Variants in METTL25 observed in about 807,000 individuals in gnomAD.
The protein encoded by METTL25 is probable methyltransferase-like protein 25.
Under a neutral mutation model 71.6 loss-of-function variants are expected in METTL25, and 64 were observed. The observed-to-expected ratio is 0.89, with a 90% CI of 0.73 to 1.10. METTL25 has a LOEUF of 1.10. Ranked by LOEUF, METTL25 falls within the 50% of genes least tolerant of loss-of-function variation. METTL25 has a pLI of 0.00. For synonymous variants in METTL25, 287 were observed against 250.3 expected, an observed-to-expected ratio of 1.15 and a Z score of -1.38; for missense variants, 807 against 707.0, an observed-to-expected ratio of 1.14 and a Z score of -1.60.
At chr12:82,397,654 A>G (rs1886198113) in intron 3 of METTL25, among the ~76,000 whole-genome samples, 1 of 151,556 alleles carries the variant, frequency 6.6e-6, no homozygotes, top group African/African-American at 2.4e-5. Flanking sequence ...TCTTTTTTTT[A>G]TATCAACATC....
intron 1 of METTL25, among the ~76,000 whole-genome samples, chr12:82,364,516 A>G (rs1445056119): frequency 1.3e-5 from 2 of 152,244 alleles, no homozygotes; most frequent in African/African-American, 2.4e-5. Flanking sequence ...TTTCATGTTT[A>G]GTAGGAAAGA....
intron 5 of METTL25, among the ~76,000 whole-genome samples, chr12:82,406,208 C>A (rs1489714812): frequency 1.3e-5 from 2 of 152,112 alleles, no homozygotes; most frequent in East Asian, 1.9e-4. Context: ...TAAATAATTT[C>A]TTTAAAAAGC....
rs745818909 is a variant in METTL25 at position 82,358,565 on chromosome 12, C to T, written c.-1C>T. 19 of 1,609,726 alleles carry T rather than the reference C, an allele frequency of 1.2e-5. No homozygotes were observed. The highest frequency in any genetic ancestry group is 1.4e-5 in the Non-Finnish European group (16 of 1,179,378). ...ACCTACAGCCTCGGAGGGTGAGCGT[C>T]ATGGCGGCTTCTTGCCCTCTCCCGG... On this transcript the variant is annotated 5_prime_UTR_variant, in exon 1 of 12. Transcript: ENST00000248306.
Position 82,386,969 on chromosome 12 carries a change from T to C in METTL25, c.424+2T>C. ...GAGGAAATCAAAACCAGAGAATTGG[T>C]ATGTCTATTTATGTGTGTGTATGTG... On this transcript the variant is annotated splice_donor_variant, in intron 2 of 11. Coordinates refer to ENST00000248306, the MANE Select transcript of METTL25 (RefSeq NM_032230.3). LOFTEE classifies it high-confidence loss of function. The C allele has an allele frequency of 6.2e-7, 1 of 1,610,658 alleles. No homozygotes were observed. Among genetic ancestry groups the C allele is most frequent in the Non-Finnish European group, 8.5e-7 (1 of 1,177,886 alleles).
In METTL25 at chr12:82,358,769, G is replaced by A; in HGVS notation, c.204G>A (p.Glu68=). 1.2e-6 allele frequency: 2 copies of A among 1,613,954 alleles called. No individual in the cohort carries two copies. The highest frequency in any genetic ancestry group is 2.2e-5 in the East Asian group (1 of 44,870). Residue 68 remains glutamate (E), a synonymous_variant, in exon 1 of 12, where the codon GAG becomes GAA. Transcript: ENST00000248306. The part of the protein sequence containing the change: ...VLAALRKSAS[E]TEALPSETRP... ...CTGCGCTGAGGAAGTCAGCGTCGGA[G>A]ACGGAGGCCCTGCCCTCAGAGACGC...
chr12:82,390,656 A>G (rs1316908749), intron 3 of METTL25, among the ~76,000 whole-genome samples: 1 of 152,158 alleles, frequency 6.6e-6, no homozygotes, highest in South Asian at 2.1e-4. Context: ...TGATTAGAAA[A>G]CTATGAAAGT....
rs1175196482 is a variant in METTL25, at chr12:82,386,199, C to T, written c.260-604C>T. On this transcript the variant is annotated intron_variant, in intron 1 of 11. Transcript: ENST00000248306. Reference sequence around the variant, plus strand: ...GACAGTGCATTGAGCACGTGCACCCCGCCCCCCTGCCACAAGTCTGCATCA... The same window carrying T: ...GACAGTGCATTGAGCACGTGCACCCTGCCCCCCTGCCACAAGTCTGCATCA... 3.3e-5 allele frequency among the ~76,000 whole-genome samples: 5 copies of T among 152,106 alleles called. No individual in the cohort carries two copies. The East Asian group carries it at 5.8e-4, about 18-fold the overall frequency.
intron 5 of METTL25, among the ~76,000 whole-genome samples, chr12:82,413,457 T>C (rs946619657): frequency 1.3e-5 from 2 of 152,072 alleles, no homozygotes; most frequent in Non-Finnish European, 2.9e-5. Context: ...TAGAGTTATG[T>C]ATAAGTTACA....
At chr12:82,415,371 A>G (rs1262596705) in intron 5 of METTL25, among the ~76,000 whole-genome samples, 1 of 152,124 alleles carries the variant, frequency 6.6e-6, no homozygotes, top group Non-Finnish European at 1.5e-5. Context: ...CATATAAAGG[A>G]ATTAGCAGTG....
intron 5 of METTL25, among the ~76,000 whole-genome samples, chr12:82,429,824 C>T (rs989789914): frequency 6.6e-6 from 1 of 151,306 alleles, no homozygotes; most frequent in African/African-American, 2.4e-5. Context: ...ATTTATATTC[C>T]TAGGGAGGAT....
intron 1 of METTL25, among the ~76,000 whole-genome samples, chr12:82,379,649 C>T (rs1377181390): frequency 6.6e-6 from 1 of 152,166 alleles, no homozygotes; most frequent in Non-Finnish European, 1.5e-5. Context: ...TATTTCACAT[C>T]AAATTTAGTA....
intron 5 of METTL25, among the ~76,000 whole-genome samples, chr12:82,429,264 A>G (rs1266598211): frequency 6.6e-6 from 1 of 151,506 alleles, no homozygotes; most frequent in Non-Finnish European, 1.5e-5. Flanking sequence ...ATGAGATAAT[A>G]TTTTTAGCTC....
At position 82,438,833 on chromosome 12, in the gene METTL25, GT is replaced by G. The variant is rs752838315; in HGVS notation, c.1478+43del. ...TTAATAAGAATAACTATGTTATATT[GT>G]AAGTAAAGTGACTTTTAGTCTTCAG... On this transcript the variant is annotated intron_variant, in intron 8 of 11. Coordinates refer to ENST00000248306, the MANE Select transcript of METTL25 (RefSeq NM_032230.3). 2.1e-6 allele frequency: 3 copies of G among 1,450,802 alleles called. No homozygotes were observed. The African/African-American group carries it at 4.3e-5, about 21-fold the overall frequency. 89.9% of individuals were successfully genotyped at this position (1,450,802 alleles called of 1,614,324 possible). A position where few individuals can be genotyped will look rare whatever the true frequency, so the allele number is the denominator to read the frequency against.
chr12:82,374,655 T>C (rs1037144388), intron 1 of METTL25, among the ~76,000 whole-genome samples: 1 of 152,210 alleles, frequency 6.6e-6, no homozygotes, highest in African/African-American at 2.4e-5. Context: ...GTTTGTTGAA[T>C]TTAATATGGT....
In METTL25 at chr12:82,411,135, A is replaced by ATCT. The variant is rs1180165547; in HGVS notation, c.1279+8006_1279+8007insCTT. ...ATATATCTAGTCAATATATACAAGA[A>ATCT]TGCTGAAGTCCTCAAAGATAATGGA... is the stretch of plus-strand genomic sequence containing the variant. On this transcript the variant is annotated intron_variant, in intron 5 of 11. Coordinates refer to ENST00000248306, the MANE Select transcript of METTL25 (RefSeq NM_032230.3). Among the ~76,000 whole-genome samples, 22 of 152,196 alleles carry ATCT rather than the reference A, an allele frequency of 1.4e-4. No individual in the cohort carries two copies. In the East Asian group the frequency reaches 3.1e-3, roughly 21 times the overall value.
At position 82,438,731 on chromosome 12, in the gene METTL25, C is replaced by T. The variant is rs1383629493; in HGVS notation, c.1418C>T (p.Ser473Leu). 6.7e-7 allele frequency: 1 copy of T among 1,493,766 alleles called. No homozygotes were observed. The highest frequency in any genetic ancestry group is 1.4e-5 in the South Asian group (1 of 70,854). 92.5% of individuals were successfully genotyped at this position (1,493,766 alleles called of 1,614,324 possible). Residue 473 changes from serine (S) to leucine (L), a missense_variant, in exon 8 of 12, where the codon TCA (serine) becomes TTA (leucine). Ser to Leu is a moderately radical substitution (Grantham distance 145). Coordinates refer to ENST00000248306, the MANE Select transcript of METTL25 (RefSeq NM_032230.3). ...CATTTTTTTCAGCTGCCTACTGAATCACTCTTCTATCGTGCTGTTCTTCAG... is the reference window on the plus strand; with the variant it reads ...CATTTTTTTCAGCTGCCTACTGAATTACTCTTCTATCGTGCTGTTCTTCAG... ...VAAGQGLPTE[S>L]LFYRAVLQDI...
At chr12:82,464,184 C>T (rs1892081815) in intron 9 of METTL25, among the ~76,000 whole-genome samples, 1 of 151,760 alleles carries the variant, frequency 6.6e-6, no homozygotes, top group African/African-American at 2.4e-5. Flanking sequence ...AAATATTTTC[C>T]CAGAGCAATA....
chr12:82,439,309 A>T (rs1890156075), intron 8 of METTL25, among the ~76,000 whole-genome samples: 1 of 151,748 alleles, frequency 6.6e-6, no homozygotes, highest in African/African-American at 2.4e-5. Flanking sequence ...TGCACTATTT[A>T]TACAGAAAAG....
intron 9 of METTL25, among the ~76,000 whole-genome samples, chr12:82,463,543 A>T (rs1338722177): frequency 6.6e-6 from 1 of 152,062 alleles, no homozygotes; most frequent in East Asian, 1.9e-4. Context: ...TAAAGTAAAC[A>T]TAGGGATGCA....
Sources: gnomAD v4.1 joint callset for allele counts (sites outside exome capture counted in the v4.1 genomes callset) on GRCh38, gnomAD v4.1.1 for gene constraint, MANE v1.5 for transcripts, NCBI Gene and HGNC (gene_info 2026-07-23, HGNC 2026-07-21) for gene names.